The following ROBO1 variants were observed in gnomAD, a reference collection of about 807,000 sequenced individuals.
The protein encoded by ROBO1 is roundabout guidance receptor 1, also known as roundabout homolog 1.
Under a neutral mutation model 195.9 loss-of-function variants are expected in ROBO1, and 149 were observed. That is an observed-to-expected ratio of 0.76 (90% confidence interval 0.67 to 0.87). ROBO1 has a LOEUF of 0.87. Ranked by LOEUF, ROBO1 falls within the 40% of genes least tolerant of loss-of-function variation. The pLI, the probability that ROBO1 is intolerant of heterozygous loss-of-function variation, is 0.00. For missense variants in ROBO1, 1,933 were observed against 2,068.3 expected (o/e 0.93, Z 1.27); for synonymous variants, 816 against 733.2 (o/e 1.11, Z -1.82).
intron 3 of ROBO1, among the ~76,000 whole-genome samples, chr3:78,967,332 C>G (rs966510884): frequency 2.7e-5 from 4 of 150,538 alleles, no homozygotes; most frequent in East Asian, 3.9e-4. Context: ...TCCCCACCCC[C>G]ACCCCATCCT....
intron 1 of ROBO1, among the ~76,000 whole-genome samples, chr3:79,742,009 C>T (rs1446375483): frequency 6.6e-6 from 1 of 152,162 alleles, no homozygotes; most frequent in East Asian, 1.9e-4. Flanking sequence ...CTGGCTGCTT[C>T]TAACAGCATA....
Position 78,963,659 on chromosome 3 carries a change from C to A in ROBO1, c.173-24732G>T, listed in dbSNP as rs895004061. Among the ~76,000 whole-genome samples, 3 of 151,502 alleles carry A rather than the reference C, an allele frequency of 2.0e-5. No homozygotes were observed. The East Asian group carries it at 5.9e-4, about 30-fold the overall frequency. ...TCAGCCTCCGGAGTAGCTGGGACTT[C>A]AGGCGCCGCCACCACGCCTGGCTAA... On this transcript the variant is annotated intron_variant, in intron 3 of 30. Transcript: ENST00000464233.
At chr3:78,856,220 A>G (rs142442427) in intron 4 of ROBO1, among the ~76,000 whole-genome samples, 35 of 151,822 alleles carry the variant, frequency 2.3e-4, no homozygotes, top group African/African-American at 8.2e-4. Context: ...ATACATTTTT[A>G]CATGGAACAC....
intron 3 of ROBO1, among the ~76,000 whole-genome samples, chr3:78,985,582 C>T (rs2077088305): frequency 6.6e-6 from 1 of 151,982 alleles, no homozygotes; most frequent in African/African-American, 2.4e-5. Flanking sequence ...ACTGACATTT[C>T]GGGCCACATC....
chr3:79,186,144 T>C (rs2081433046), intron 2 of ROBO1, among the ~76,000 whole-genome samples: 1 of 152,160 alleles, frequency 6.6e-6, no homozygotes, highest in Admixed American at 6.6e-5. Flanking sequence ...CTCTGTATTC[T>C]ATCCACATGT....
intron 25 of ROBO1, among the ~76,000 whole-genome samples, chr3:78,630,625 G>C (rs1157421806): frequency 6.6e-6 from 1 of 152,144 alleles, no homozygotes; most frequent in Non-Finnish European, 1.5e-5. Flanking sequence ...TACAGATTCT[G>C]GAGTGAGAAA....
intron 4 of ROBO1, among the ~76,000 whole-genome samples, chr3:78,787,067 T>C (rs1486853356): frequency 1.3e-5 from 2 of 152,172 alleles, no homozygotes; most frequent in Admixed American, 6.5e-5. Context: ...CACAGATTGC[T>C]GGGCCCCAAC....
intron 28 of ROBO1, among the ~76,000 whole-genome samples, chr3:78,612,012 G>A (rs866747050): frequency 2.6e-5 from 4 of 152,032 alleles, no homozygotes; most frequent in Non-Finnish European, 5.9e-5. Context: ...TTGTTATGGC[G>A]GCCCTAGCAA....
At chr3:79,648,203 A>G (rs951950581) in intron 1 of ROBO1, among the ~76,000 whole-genome samples, 3 of 152,108 alleles carry the variant, frequency 2.0e-5, no homozygotes, top group Non-Finnish European at 2.9e-5. Flanking sequence ...CTAAGCAAAA[A>G]GGAACTTCTG....
At chr3:79,104,223 C>T (rs2079732931) in intron 3 of ROBO1, among the ~76,000 whole-genome samples, 3 of 151,648 alleles carry the variant, frequency 2.0e-5, no homozygotes, top group Non-Finnish European at 4.4e-5. Flanking sequence ...GTCATGAACG[C>T]TTTCATAGTC....
At chr3:78,941,324 C>T (rs1206415774) in intron 3 of ROBO1, among the ~76,000 whole-genome samples, 1 of 152,060 alleles carries the variant, frequency 6.6e-6, no homozygotes, top group African/African-American at 2.4e-5. Flanking sequence ...CTCTCTAAGG[C>T]TATGTTGAAG....
chr3:79,556,007 A>T (rs1942685972), intron 2 of ROBO1, among the ~76,000 whole-genome samples: 2 of 152,236 alleles, frequency 1.3e-5, no homozygotes, highest in East Asian at 3.9e-4. Context: ...ATAATTCTCT[A>T]AGAATTAATA....
chr3:79,428,393 T>A (rs34626195), intron 2 of ROBO1, among the ~76,000 whole-genome samples: 1 of 151,920 alleles, frequency 6.6e-6, no homozygotes. Context: ...AAAAATATGT[T>A]GAGTGCTTAG....
At chr3:79,376,802 A>G (rs1447252528) in intron 2 of ROBO1, among the ~76,000 whole-genome samples, 1 of 152,178 alleles carries the variant, frequency 6.6e-6, no homozygotes, top group African/African-American at 2.4e-5. Flanking sequence ...GGTAGTAAAA[A>G]GGAGTTTGAT....
intron 2 of ROBO1, among the ~76,000 whole-genome samples, chr3:79,426,472 G>T (rs2038451063): frequency 6.6e-6 from 1 of 152,044 alleles, no homozygotes; most frequent in Non-Finnish European, 1.5e-5. Context: ...CCAGGTTAAA[G>T]CCATTCCCCA....
intron 3 of ROBO1, among the ~76,000 whole-genome samples, chr3:79,060,885 C>T (rs1044489090): frequency 2.6e-5 from 4 of 152,192 alleles, no homozygotes; most frequent in South Asian, 4.1e-4. Flanking sequence ...ATACCCACAG[C>T]CAATATCATA....
At chr3:78,920,557 G>A (rs986639826) in intron 4 of ROBO1, among the ~76,000 whole-genome samples, 9 of 150,634 alleles carry the variant, frequency 6.0e-5, no homozygotes, top group Non-Finnish European at 1.0e-4. Context: ...CGCCCACCTC[G>A]GCCTCCCAAA....
At chr3:78,966,677 A>C (rs1044283149) in intron 3 of ROBO1, among the ~76,000 whole-genome samples, 1 of 152,226 alleles carries the variant, frequency 6.6e-6, no homozygotes, top group Admixed American at 6.5e-5. Context: ...TTTAATTTAA[A>C]TACAATTGGC....
chr3:79,585,464 T>C (rs1943798828), intron 2 of ROBO1, among the ~76,000 whole-genome samples: 2 of 152,104 alleles, frequency 1.3e-5, no homozygotes, highest in African/African-American at 4.8e-5. Context: ...TTTTTCAATC[T>C]AGAAATATTT....
Sources: allele counts gnomAD v4.1 joint callset (sites outside exome capture counted in the v4.1 genomes callset), GRCh38; gene constraint gnomAD v4.1.1; transcripts MANE v1.5; gene names NCBI Gene and HGNC (gene_info 2026-07-23, HGNC 2026-07-21).